Variants in DMD observed in about 807,000 individuals in gnomAD.
DMD encodes mutant dystrophin.
DMD carries 63 observed loss-of-function variants against 330.1 expected under a neutral mutation model. The ratio of observed to expected loss-of-function variants is 0.19; its 90% CI spans 0.16 to 0.24. DMD has a LOEUF of 0.24. Among genes scored for constraint, DMD ranks in the 10% least tolerant of loss-of-function variants. DMD has a pLI of 1.00. For synonymous variants in DMD, 1,223 were observed against 959.8 expected (o/e 1.27, Z -5.07); for missense variants, 3,344 against 2,684.1 (o/e 1.25, Z -5.43).
intron 67 of DMD, among the ~76,000 whole-genome samples, chrX:31,190,082 C>T (rs931932431): frequency 3.6e-5 from 4 of 111,860 alleles, no homozygotes; most frequent in Admixed American, 9.5e-5. Flanking sequence ...TTCTCTAGGT[C>T]GGTGGTTCTC....
At chrX:32,027,402 C>A (rs895202504) in intron 44 of DMD, among the ~76,000 whole-genome samples, 2 of 111,500 alleles carry the variant, frequency 1.8e-5, no homozygotes, top group East Asian at 5.7e-4. Context: ...GAAAGGAATT[C>A]TTGAAGTTGG....
At chrX:32,101,535 A>G (rs2096539747) in intron 44 of DMD, among the ~76,000 whole-genome samples, 1 of 112,081 alleles carries the variant, frequency 8.9e-6, no homozygotes, top group South Asian at 3.7e-4. Context: ...CACATAAACT[A>G]TGAATCCAGT....
intron 1 of DMD, among the ~76,000 whole-genome samples, chrX:33,089,250 G>A (rs1021875564): frequency 9.1e-6 from 1 of 109,675 alleles, no homozygotes; most frequent in Non-Finnish European, 1.9e-5. Flanking sequence ...ATTTTTAGTA[G>A]AGACGGGGTT....
chrX:31,877,377 C>T (rs766681125), intron 47 of DMD, among the ~76,000 whole-genome samples: 28 of 110,887 alleles, frequency 2.5e-4, no homozygotes, highest in Admixed American at 4.8e-4. Context: ...TGGAACTGCA[C>T]CTCATCGCAG....
chrX:32,574,469 C>T (rs928976817), intron 13 of DMD, among the ~76,000 whole-genome samples: 10 of 111,830 alleles, frequency 8.9e-5, no homozygotes, highest in African/African-American at 2.9e-4. Context: ...TGTCTAAGAA[C>T]ACACACTATT....
chrX:31,251,150 T>C (rs2049318377), intron 63 of DMD, among the ~76,000 whole-genome samples: 1 of 108,395 alleles, frequency 9.2e-6, no homozygotes, highest in African/African-American at 3.4e-5. Flanking sequence ...AGCACTGCTC[T>C]TCAGTGATAG....
intron 60 of DMD, among the ~76,000 whole-genome samples, chrX:31,421,856 T>C (rs192241493): frequency 0.011 from 1,107 of 97,147 alleles, 15 homozygotes; most frequent in African/African-American, 0.039. Context: ...CCCTCCCTGC[T>C]TACTCTCTCT....
rs182937706 is a variant in DMD at position 31,978,103 on chromosome X, G to A, written c.6439-9589C>T. 4.0e-3 allele frequency among the ~76,000 whole-genome samples: 450 copies of A among 111,538 alleles called. 1 individual carries two copies. The highest frequency in any genetic ancestry group is 0.014 in the African/African-American group (424 of 30,789). ...TTCTAATTTTTTTCTCTCTAGGAAC[G>A]CTTCCTTCTTAGGCTACCACGTAGC... On this transcript the variant is annotated intron_variant, in intron 44 of 78. Transcript: ENST00000357033.
chrX:32,480,493 G>A (rs1273764061), intron 21 of DMD, among the ~76,000 whole-genome samples: 1 of 110,135 alleles, frequency 9.1e-6, no homozygotes, highest in Non-Finnish European at 1.9e-5. Context: ...ATGTGTCTAC[G>A]TGTTTATATA....
At chrX:31,704,103 A>C (rs1254884542) in intron 52 of DMD, among the ~76,000 whole-genome samples, 5 of 112,204 alleles carry the variant, frequency 4.5e-5, no homozygotes, top group African/African-American at 1.6e-4. Flanking sequence ...ATCCCCATTC[A>C]AGTAACAAAA....
chrX:32,145,142 T>A (rs1461070638), intron 44 of DMD, among the ~76,000 whole-genome samples: 2 of 112,007 alleles, frequency 1.8e-5, no homozygotes, highest in African/African-American at 6.5e-5. Context: ...TAAAACAACA[T>A]GATGGAAACA....
At chrX:31,732,216 T>C (rs2086561533) in intron 51 of DMD, among the ~76,000 whole-genome samples, 1 of 111,600 alleles carries the variant, frequency 9.0e-6, no homozygotes, top group Admixed American at 9.5e-5. Flanking sequence ...CAACTTTTTA[T>C]CCCACTCTAT....
chrX:33,181,990 TACC>T (rs2148746051), intron 1 of DMD, among the ~76,000 whole-genome samples: 1 of 111,890 alleles, frequency 8.9e-6, no homozygotes, highest in Non-Finnish European at 1.9e-5. Flanking sequence ...GAACCAGAAA[TACC>T]AATTGTTTCT....
chrX:32,593,300 C>T (rs777896477), intron 13 of DMD, among the ~76,000 whole-genome samples: 3 of 112,594 alleles, frequency 2.7e-5, no homozygotes, highest in Non-Finnish European at 5.6e-5. Flanking sequence ...TCATCTGTTG[C>T]GTTCAAAGTT....
intron 44 of DMD, among the ~76,000 whole-genome samples, chrX:32,192,655 A>G (rs1036608794): frequency 9.0e-6 from 1 of 111,618 alleles, no homozygotes; most frequent in Non-Finnish European, 1.9e-5. Flanking sequence ...TGGCCTTTAG[A>G]CTCTGGATAT....
rs770281271 is a variant in DMD at position 32,342,163 on chromosome X, G to T, written c.5859C>A (p.Ser1953Arg). ...MAVEPTQIQLSKRWREIESKF... is the reference protein window; with the variant it reads ...MAVEPTQIQLRKRWREIESKF... ...TGCTCTCAATTTCCCGCCAGCGCTT[G>T]CTGAGCTGGATCTGAGTTGGCTCCA... The change falls in exon 41 of 79, where the codon AGC becomes AGA. Residue 1953 changes from serine to arginine, a missense_variant. By Grantham distance (110) the Ser-to-Arg change is moderately radical. Transcript: ENST00000357033. 1 of 1,210,155 alleles carries T rather than the reference G, an allele frequency of 8.3e-7. No individual in the cohort carries two copies. Among genetic ancestry groups the T allele is most frequent in the Non-Finnish European group, 1.1e-6 (1 of 894,268 alleles).
At chrX:32,761,915 C>A (rs912896770) in intron 7 of DMD, among the ~76,000 whole-genome samples, 2 of 110,760 alleles carry the variant, frequency 1.8e-5, no homozygotes, top group Non-Finnish European at 3.8e-5. Context: ...CTTTGGGAGG[C>A]CGAGATGGGC....
intron 1 of DMD, among the ~76,000 whole-genome samples, chrX:33,174,284 G>A (rs761307886): frequency 9.0e-6 from 1 of 110,850 alleles, no homozygotes; most frequent in African/African-American, 3.3e-5. Context: ...ATGAGGAATG[G>A]TGAGTTTCCA....
At chrX:31,946,050 ATATC>A (rs1358893504) in intron 45 of DMD, among the ~76,000 whole-genome samples, 1 of 112,250 alleles carries the variant, frequency 8.9e-6, no homozygotes, top group Non-Finnish European at 1.9e-5. Flanking sequence ...GCTTAACTGA[ATATC>A]TATCGGTCTT....
Sources: gnomAD v4.1 joint callset for allele counts (sites outside exome capture counted in the v4.1 genomes callset) on GRCh38, gnomAD v4.1.1 for gene constraint, MANE v1.5 for transcripts, NCBI Gene and HGNC (gene_info 2026-07-23, HGNC 2026-07-21) for gene names.